Variants in PARD3B observed in about 807,000 individuals in gnomAD.
PARD3B encodes the protein par-3 family cell polarity regulator beta.
Under a neutral mutation model 130.2 loss-of-function variants are expected in PARD3B, and 103 were observed. The observed-to-expected ratio is 0.79, with a 90% CI of 0.67 to 0.93. The LOEUF (loss-of-function observed/expected upper bound fraction) is 0.93. PARD3B is among the 40% of genes least tolerant of loss of function. PARD3B has a pLI of 0.00. For synonymous variants in PARD3B, 583 were observed against 553.2 expected (o/e 1.05, Z -0.76); for missense variants, 1,609 against 1,499.2 (o/e 1.07, Z -1.21).
chr2:205,204,796 C>T (rs2037193307), intron 15 of PARD3B, among the ~76,000 whole-genome samples: 1 of 152,086 alleles, frequency 6.6e-6, no homozygotes, highest in East Asian at 1.9e-4. Context: ...CTATTCTGTT[C>T]CATTGGTCTA....
chr2:204,772,671 A>G (rs998757649), intron 2 of PARD3B, among the ~76,000 whole-genome samples: 2 of 152,220 alleles, frequency 1.3e-5, no homozygotes, highest in East Asian at 1.9e-4. Context: ...AATTAAATGT[A>G]CATTACAGAA....
intron 4 of PARD3B, among the ~76,000 whole-genome samples, chr2:205,057,565 ATATG>A (rs1187726721): frequency 7.0e-6 from 1 of 143,528 alleles, no homozygotes; most frequent in Non-Finnish European, 1.5e-5. Flanking sequence ...ATATATACAT[ATATG>A]TATATGTGTA....
At chr2:205,377,266 G>T (rs192080279) in intron 18 of PARD3B, among the ~76,000 whole-genome samples, 3 of 152,118 alleles carry the variant, frequency 2.0e-5, no homozygotes, top group African/African-American at 2.4e-5. Context: ...AGTGTTTCTC[G>T]TCTTCACCTG....
intron 1 of PARD3B, among the ~76,000 whole-genome samples, chr2:204,555,110 C>T (rs79481874): frequency 0.012 from 1,816 of 152,248 alleles, 23 homozygotes; most frequent in Non-Finnish European, 0.02. Flanking sequence ...GGCAACATTT[C>T]GCACATGTGG....
At chr2:204,566,596 G>A (rs1401528485) in intron 1 of PARD3B, among the ~76,000 whole-genome samples, 1 of 151,834 alleles carries the variant, frequency 6.6e-6, no homozygotes. Context: ...TAAATCCTTA[G>A]TGATTATTTT....
chr2:205,045,112 G>GTTTTTTTTTT (rs201589277), intron 3 of PARD3B, among the ~76,000 whole-genome samples: 2 of 138,584 alleles, frequency 1.4e-5, no homozygotes, highest in Non-Finnish European at 3.1e-5. Context: ...CCATCTTAAA[G>GTTTTTTTTTT]TTTTTTTTTT....
At chr2:205,099,415 A>C (rs1278927372) in intron 4 of PARD3B, among the ~76,000 whole-genome samples, 1 of 152,116 alleles carries the variant, frequency 6.6e-6, no homozygotes, top group Non-Finnish European at 1.5e-5. Flanking sequence ...TTTCCTTCCA[A>C]ATTTAAAAGT....
chr2:205,454,637 T>C (rs1477609163), intron 20 of PARD3B, among the ~76,000 whole-genome samples: 1 of 152,138 alleles, frequency 6.6e-6, no homozygotes, highest in Non-Finnish European at 1.5e-5. Flanking sequence ...TCAAGACTTC[T>C]GTATACCACA....
At chr2:205,496,805 T>G (rs894487026) in intron 20 of PARD3B, among the ~76,000 whole-genome samples, 20 of 151,982 alleles carry the variant, frequency 1.3e-4, no homozygotes, top group African/African-American at 4.8e-4. Context: ...CAGTGCTTTA[T>G]CAGTTTCTTT....
In PARD3B at chr2:205,354,026, C is replaced by CTTTTTTTTTTTTT. The variant is rs869308018; in HGVS notation, c.2631-46975_2631-46963dup. ...CTTCTTTCTTTTTTCTTTTCTTTTC[C>CTTTTTTTTTTTTT]TTTTTTTTTTTTTTTTTTTTTTTTG... On this transcript the variant is annotated intron_variant, in intron 18 of 22. Coordinates refer to ENST00000406610, the MANE Select transcript of PARD3B (RefSeq NM_001302769.2). Among the ~76,000 whole-genome samples, 138 of 50,342 alleles carry CTTTTTTTTTTTTT rather than the reference C, an allele frequency of 2.7e-3. 1 individual carries two copies. The highest frequency in any genetic ancestry group is 4.4e-3 in the Non-Finnish European group (105 of 24,112). The allele number at this position is 50,342 out of a possible 152,430, so 33.0% of individuals were successfully genotyped here. A position where few individuals can be genotyped will look rare whatever the true frequency, so the allele number is the denominator to read the frequency against.
chr2:205,480,280 A>T (rs1043194921), intron 20 of PARD3B, among the ~76,000 whole-genome samples: 1 of 152,160 alleles, frequency 6.6e-6, no homozygotes, highest in Non-Finnish European at 1.5e-5. Flanking sequence ...TGTTTTCTCC[A>T]GAATACTCTT....
chr2:204,641,295 G>A (rs1268238754), intron 1 of PARD3B, among the ~76,000 whole-genome samples: 1 of 151,274 alleles, frequency 6.6e-6, no homozygotes, highest in Non-Finnish European at 1.5e-5. Context: ...GAACTTCTAA[G>A]GACTCATACA....
intron 2 of PARD3B, among the ~76,000 whole-genome samples, chr2:204,789,918 T>G (rs2042142209): frequency 6.6e-6 from 1 of 151,550 alleles, no homozygotes; most frequent in Non-Finnish European, 1.5e-5. Context: ...TCACCCAGGC[T>G]GGAGTGCAGT....
chr2:204,742,014 C>T lies in PARD3B; in HGVS notation c.222+55732C>T, dbSNP rs549834908. ...ATGAATGCATGTTCTTACACTTCAC[C>T]CAGGATCTACTTACTCAGAAGCTCT... On this transcript the variant is annotated intron_variant, in intron 2 of 22. Coordinates refer to ENST00000406610, the MANE Select transcript of PARD3B (RefSeq NM_001302769.2). Among the ~76,000 whole-genome samples, 4 of 152,168 alleles carry T rather than the reference C, an allele frequency of 2.6e-5. No homozygotes were observed. In the East Asian group the frequency reaches 7.7e-4, roughly 29 times the overall value.
At chr2:204,949,981 G>T (rs1689632176) in intron 2 of PARD3B, among the ~76,000 whole-genome samples, 1 of 152,086 alleles carries the variant, frequency 6.6e-6, no homozygotes, top group African/African-American at 2.4e-5. Flanking sequence ...GGTCTTAAAG[G>T]ATGAATAAGA....
At chr2:204,648,719 ATTT>A (rs2035371084) in intron 1 of PARD3B, among the ~76,000 whole-genome samples, 1 of 75,038 alleles carries the variant, frequency 1.3e-5, no homozygotes, top group East Asian at 3.8e-4. Flanking sequence ...AATAATATAT[ATTT>A]ATAATAGATA....
At chr2:205,235,193 G>A (rs148450834) in intron 15 of PARD3B, among the ~76,000 whole-genome samples, 1 of 152,102 alleles carries the variant, frequency 6.6e-6, no homozygotes, top group Non-Finnish European at 1.5e-5. Context: ...GGCTGAGGTG[G>A]GCAGATCATT....
intron 2 of PARD3B, among the ~76,000 whole-genome samples, chr2:204,871,458 G>A (rs1454256223): frequency 6.6e-6 from 1 of 152,014 alleles, no homozygotes; most frequent in East Asian, 1.9e-4. Context: ...AGAACACTTA[G>A]AACAATGTAT....
intron 2 of PARD3B, among the ~76,000 whole-genome samples, chr2:204,949,265 C>CT (rs541163786): frequency 2.0e-4 from 31 of 152,144 alleles, no homozygotes; most frequent in Admixed American, 1.7e-3. Flanking sequence ...TTTTTCTCCT[C>CT]TTTCAGTTAA....
Sources: allele counts gnomAD v4.1 joint callset (sites outside exome capture counted in the v4.1 genomes callset), GRCh38; gene constraint gnomAD v4.1.1; transcripts MANE v1.5; gene names NCBI Gene and HGNC (gene_info 2026-07-23, HGNC 2026-07-21).